The following TLE4 variants were observed in gnomAD, a reference collection of about 807,000 sequenced individuals.
TLE4 encodes transducin-like enhancer protein 4.
TLE4 carries 8 observed loss-of-function variants against 92.8 expected under a neutral mutation model. The observed-to-expected ratio is 0.09, with a 90% confidence interval of 0.05 to 0.16. TLE4 has a LOEUF of 0.16. Among genes scored for constraint, TLE4 ranks in the 10% least tolerant of loss-of-function variants. TLE4 has a pLI of 1.00. For synonymous variants in TLE4, 371 were observed against 374.1 expected, an observed-to-expected ratio of 0.99 and a Z score of 0.10; for missense variants, 675 against 997.6, an observed-to-expected ratio of 0.68 and a Z score of 4.36.
rs149790506 is a variant in TLE4 at position 79,689,361 on chromosome 9, A to G, written c.610-15422A>G. Reference sequence around the variant, plus strand: ...TTTTCTTAATCAGGCAGGGTTTACAATAGCAATAATGTAATTCAAATAAGC... The same window carrying G: ...TTTTCTTAATCAGGCAGGGTTTACAGTAGCAATAATGTAATTCAAATAAGC... On this transcript the variant is annotated intron_variant, in intron 8 of 19. Transcript: ENST00000376552. Among the ~76,000 whole-genome samples the G allele has an allele frequency of 1.6e-4, 25 of 152,168 alleles. No individual in the cohort carries two copies. In the East Asian group the frequency reaches 3.3e-3, roughly 20 times the overall value.
At chr9:79,671,935 A>AG (rs2134893428) in intron 8 of TLE4, among the ~76,000 whole-genome samples, 1 of 151,994 alleles carries the variant, frequency 6.6e-6, no homozygotes, top group South Asian at 2.1e-4. Flanking sequence ...TAAAAAAAAA[A>AG]AAAAGTCAGT....
intron 4 of TLE4, among the ~76,000 whole-genome samples, chr9:79,601,907 T>G (rs1397635820): frequency 6.6e-6 from 1 of 152,164 alleles, no homozygotes; most frequent in South Asian, 2.1e-4. Flanking sequence ...AGCCAAGTTA[T>G]AAATGCAAGT....
chr9:79,618,409 T>A (rs2050155321), intron 5 of TLE4, among the ~76,000 whole-genome samples: 1 of 152,246 alleles, frequency 6.6e-6, no homozygotes, highest in Non-Finnish European at 1.5e-5. Flanking sequence ...TATTTATCAT[T>A]CATACATTCA....
intron 8 of TLE4, among the ~76,000 whole-genome samples, chr9:79,667,345 C>T (rs959759363): frequency 2.6e-5 from 4 of 152,134 alleles, no homozygotes; most frequent in Non-Finnish European, 4.4e-5. Flanking sequence ...TTCTCCTTCT[C>T]GCCAGGCTGC....
chr9:79,602,772 T>A lies in TLE4; in HGVS notation c.253-9884T>A, dbSNP rs528872550. Among the ~76,000 whole-genome samples the A allele has an allele frequency of 1.3e-4, 20 of 152,304 alleles. No homozygotes were observed. In the East Asian group the frequency reaches 3.9e-3, roughly 29 times the overall value. ...AATTTCAACTTTTAAGATTTACTATTTAAGAAATACATTTTGTAAGGCTGT... is the reference window on the plus strand; with the variant it reads ...AATTTCAACTTTTAAGATTTACTATATAAGAAATACATTTTGTAAGGCTGT... On this transcript the variant is annotated intron_variant, in intron 4 of 19. Transcript: ENST00000376552.
At chr9:79,724,960 C>T in intron 19 of TLE4, 77 bp from the exon 20 acceptor site, 2 of 960,146 alleles carry the variant, frequency 2.1e-6, no homozygotes, top group Non-Finnish European at 3.1e-6. Context: ...ATTACATTTG[C>T]ATTTGCTCTA....
chr9:79,714,788 A>G (rs2074137865), intron 14 of TLE4, among the ~76,000 whole-genome samples: 1 of 152,316 alleles, frequency 6.6e-6, no homozygotes, highest in South Asian at 2.1e-4. Context: ...GAGTATATGG[A>G]TGGGAGGTAC....
intron 15 of TLE4, 125 bp downstream of exon 15, chr9:79,719,096 G>A: frequency 5.8e-6 from 8 of 1,377,662 alleles, no homozygotes; most frequent in Non-Finnish European, 7.7e-6. Flanking sequence ...GCTCTTCAGG[G>A]GACTGCGATC....
intron 4 of TLE4, among the ~76,000 whole-genome samples, chr9:79,595,627 G>T (rs1447926403): frequency 6.6e-6 from 1 of 152,006 alleles, no homozygotes; most frequent in African/African-American, 2.4e-5. Flanking sequence ...TAAATTTAAA[G>T]GCAAGTTAGG....
chr9:79,612,743 G>A, intron 5 of TLE4, 25 bp downstream of exon 5: 1 of 1,608,900 alleles, frequency 6.2e-7, no homozygotes. Context: ...TTTAGGCACT[G>A]GACTAGAAGT....
chr9:79,670,153 G>A (rs2062041004), intron 8 of TLE4, among the ~76,000 whole-genome samples: 1 of 151,454 alleles, frequency 6.6e-6, no homozygotes. Flanking sequence ...ACTCACCTTA[G>A]AGGGGATAGC....
At chr9:79,583,000 T>A (rs2040104159) in intron 4 of TLE4, among the ~76,000 whole-genome samples, 1 of 152,202 alleles carries the variant, frequency 6.6e-6, no homozygotes, top group African/African-American at 2.4e-5. Flanking sequence ...AAATTATTAC[T>A]CTAAAGAGGA....
At chr9:79,606,100 C>T (rs1587984522) in intron 4 of TLE4, among the ~76,000 whole-genome samples, 2 of 148,260 alleles carry the variant, frequency 1.3e-5, no homozygotes, top group South Asian at 2.2e-4. Context: ...TTTAATCAGT[C>T]CTTTAGGAAC....
At chr9:79,652,180 G>C (rs2059123040) in intron 6 of TLE4, among the ~76,000 whole-genome samples, 2 of 151,704 alleles carry the variant, frequency 1.3e-5, no homozygotes, top group Non-Finnish European at 2.9e-5. Context: ...GTAGGTGTTG[G>C]CTTTTTTCTT....
intron 8 of TLE4, among the ~76,000 whole-genome samples, chr9:79,676,577 G>A (rs2063295663): frequency 6.6e-6 from 1 of 152,160 alleles, no homozygotes; most frequent in Admixed American, 6.6e-5. Context: ...AGTAGGATAT[G>A]CAAGTGGTAT....
chr9:79,719,327 CAT>C (rs1184575004), intron 15 of TLE4, among the ~76,000 whole-genome samples: 2 of 151,896 alleles, frequency 1.3e-5, no homozygotes, highest in Non-Finnish European at 2.9e-5. Flanking sequence ...CTTACTGCCT[CAT>C]GTGGCAAATA....
At chr9:79,724,668 A>C (rs1308012995) in intron 19 of TLE4, among the ~76,000 whole-genome samples, 1 of 151,298 alleles carries the variant, frequency 6.6e-6, no homozygotes, top group African/African-American at 2.4e-5. Context: ...ACTTAGTGAG[A>C]CCCTCTCTCT....
intron 8 of TLE4, among the ~76,000 whole-genome samples, chr9:79,679,519 C>T (rs2135206525): frequency 1.3e-5 from 2 of 152,132 alleles, no homozygotes; most frequent in South Asian, 4.1e-4. Flanking sequence ...GATATTAGCC[C>T]TTTGTCAGAT....
At chr9:79,650,600 C>G (rs2058792103) in intron 6 of TLE4, among the ~76,000 whole-genome samples, 1 of 152,004 alleles carries the variant, frequency 6.6e-6, no homozygotes, top group East Asian at 1.9e-4. Context: ...ACTTTTTGAT[C>G]CCCACTGAAT....
Sources: gnomAD v4.1 joint callset for allele counts (sites outside exome capture counted in the v4.1 genomes callset) on GRCh38, gnomAD v4.1.1 for gene constraint, MANE v1.5 for transcripts, NCBI Gene and HGNC (gene_info 2026-07-23, HGNC 2026-07-21) for gene names.